The following SBF2 variants were observed in gnomAD, a reference collection of about 807,000 sequenced individuals.
SBF2 encodes myotubularin-related protein 13.
A neutral mutation model predicts 225.2 loss-of-function variants in SBF2; 112 were observed. That is an observed-to-expected ratio of 0.50 (90% CI 0.43 to 0.58). The LOEUF (loss-of-function observed/expected upper bound fraction) is 0.58, where lower values mean the gene tolerates loss of function less well. Ranked by LOEUF, SBF2 falls within the 20% of genes least tolerant of loss-of-function variation. The probability of loss-of-function intolerance (pLI) is 0.00; values close to 1 mark genes in which losing one functional copy is unlikely to be tolerated. For missense variants in SBF2, 1,996 were observed against 2,206.2 expected, an observed-to-expected ratio of 0.90 and a Z score of 1.91; for synonymous variants, 763 against 773.3, an observed-to-expected ratio of 0.99 and a Z score of 0.22.
chr11:9,875,141 G>C (rs934794117), intron 17 of SBF2, among the ~76,000 whole-genome samples: 6 of 152,154 alleles, frequency 3.9e-5, no homozygotes, highest in Admixed American at 2.6e-4. Flanking sequence ...AAATCATATA[G>C]ACTGGGTCAC....
At chr11:10,148,408 G>T (rs1194189158) in intron 2 of SBF2, among the ~76,000 whole-genome samples, 3 of 152,088 alleles carry the variant, frequency 2.0e-5, no homozygotes, top group Non-Finnish European at 4.4e-5. Flanking sequence ...CATACATGGG[G>T]GCTATCTGAG....
At chr11:10,236,708 C>G (rs144775295) in intron 1 of SBF2, among the ~76,000 whole-genome samples, 6 of 152,126 alleles carry the variant, frequency 3.9e-5, no homozygotes, top group Admixed American at 3.9e-4. Context: ...TTAATCCACC[C>G]GCCTCGGCCT....
At position 9,966,370 on chromosome 11, in the gene SBF2, G is replaced by A. The variant is rs187850573; in HGVS notation, c.1600+1971C>T. On this transcript the variant is annotated intron_variant, in intron 14 of 39. Coordinates refer to ENST00000256190, the MANE Select transcript of SBF2 (RefSeq NM_030962.4). ...TTCCCAAAGTGCTGGGATTATGGGCGTGAGCCACCACGCCCAGCCAGAAAA... is the reference window on the plus strand; with the variant it reads ...TTCCCAAAGTGCTGGGATTATGGGCATGAGCCACCACGCCCAGCCAGAAAA... Among the ~76,000 whole-genome samples, 11 of 152,254 alleles carry A rather than the reference G, an allele frequency of 7.2e-5. No homozygotes were observed. In the East Asian group the frequency reaches 1.2e-3, roughly 16 times the overall value.
In SBF2 at chr11:10,136,744, G is replaced by A. The variant is rs1284628243; in HGVS notation, c.141+57158C>T. Among the ~76,000 whole-genome samples, 3 of 152,238 alleles carry A rather than the reference G, an allele frequency of 2.0e-5. No homozygotes were observed. The East Asian group carries it at 5.8e-4, about 29-fold the overall frequency. On this transcript the variant is annotated intron_variant, in intron 2 of 39. Transcript: ENST00000256190. ...ATAGGACACTCTATTGGTATCCACA[G>A]AGAAGTGAAGAACTGCTTGGTGTGG...
At chr11:10,081,533 T>C (rs1351523861) in intron 2 of SBF2, among the ~76,000 whole-genome samples, 5 of 152,000 alleles carry the variant, frequency 3.3e-5, no homozygotes, top group African/African-American at 7.2e-5. Context: ...CTGAGACGGA[T>C]AGATCGTCTG....
chr11:10,215,289 A>G (rs1001788274), intron 1 of SBF2, among the ~76,000 whole-genome samples: 1 of 152,180 alleles, frequency 6.6e-6, no homozygotes, highest in African/African-American at 2.4e-5. Flanking sequence ...ACTATTAGGC[A>G]CTCTCATTCT....
At chr11:10,062,904 C>T (rs1463441612) in intron 2 of SBF2, among the ~76,000 whole-genome samples, 2 of 152,138 alleles carry the variant, frequency 1.3e-5, no homozygotes, top group Non-Finnish European at 2.9e-5. Flanking sequence ...TTCACTGCAG[C>T]ACTGTTCACA....
chr11:10,026,028 T>A (rs1949040062), intron 6 of SBF2, among the ~76,000 whole-genome samples: 1 of 149,012 alleles, frequency 6.7e-6, no homozygotes, highest in African/African-American at 2.4e-5. Flanking sequence ...TTATCTACAG[T>A]AGTTTTTTTT....
intron 1 of SBF2, among the ~76,000 whole-genome samples, chr11:10,229,464 T>A (rs1314886718): frequency 2.6e-5 from 4 of 152,240 alleles, no homozygotes; most frequent in African/African-American, 9.6e-5. Flanking sequence ...GCTATAACTT[T>A]CCCTCTACAC....
chr11:9,894,708 C>T (rs781021947), intron 17 of SBF2, among the ~76,000 whole-genome samples: 5 of 151,090 alleles, frequency 3.3e-5, no homozygotes, highest in Non-Finnish European at 7.4e-5. Flanking sequence ...AGGCCAGGCG[C>T]AGTAGCTCAT....
At chr11:10,098,130 T>C (rs1952109646) in intron 2 of SBF2, among the ~76,000 whole-genome samples, 1 of 152,052 alleles carries the variant, frequency 6.6e-6, no homozygotes, top group African/African-American at 2.4e-5. Flanking sequence ...CTCTCTCCTG[T>C]ACATGGCACC....
At chr11:10,039,588 C>T (rs16907424) in intron 3 of SBF2, among the ~76,000 whole-genome samples, 7,921 of 151,850 alleles carry the variant, frequency 0.052, 297 homozygotes, top group Middle Eastern at 0.16. Context: ...GATTTCTGGG[C>T]CCACTTAAAA....
chr11:9,851,172 A>C (rs1193702753), intron 21 of SBF2, among the ~76,000 whole-genome samples: 1 of 151,634 alleles, frequency 6.6e-6, no homozygotes, highest in East Asian at 1.9e-4. Flanking sequence ...AAAACCCAGA[A>C]TACATAGATT....
chr11:9,812,831 T>G lies in SBF2; in HGVS notation c.3979-123A>C. On this transcript the variant is annotated intron_variant, in intron 29 of 39. Coordinates refer to ENST00000256190, the MANE Select transcript of SBF2 (RefSeq NM_030962.4). ...GCCAAATAGCTGCAGAGGCTGCCAA[T>G]GGGTCAAGAAAGTCAATCTTGTACA... 3 of 940,126 alleles carry G rather than the reference T, an allele frequency of 3.2e-6. No individual in the cohort carries two copies. The South Asian group carries it at 4.2e-5, about 13-fold the overall frequency. 58.2% of individuals were successfully genotyped at this position (940,126 alleles called of 1,614,324 possible). A position where few individuals can be genotyped will look rare whatever the true frequency, so the allele number is the denominator to read the frequency against.
chr11:9,976,072 C>CTTTTTTTTTTTTTTTTTT (rs773334975), intron 13 of SBF2, among the ~76,000 whole-genome samples: 2 of 128,262 alleles, frequency 1.6e-5, no homozygotes, highest in Non-Finnish European at 3.3e-5. Flanking sequence ...TCTTCTTCTT[C>CTTTTTTTTTTTTTTTTTT]TTTTTTTTTT....
At chr11:9,904,224 A>T (rs972810959) in intron 16 of SBF2, among the ~76,000 whole-genome samples, 9 of 152,188 alleles carry the variant, frequency 5.9e-5, no homozygotes, top group African/African-American at 1.7e-4. Context: ...TATATATATA[A>T]AACTTAAGGA....
At chr11:10,050,765 G>A (rs1950032136) in intron 2 of SBF2, among the ~76,000 whole-genome samples, 1 of 152,142 alleles carries the variant, frequency 6.6e-6, no homozygotes, top group Non-Finnish European at 1.5e-5. Flanking sequence ...AGTGTATACA[G>A]TGTGGATAAG....
intron 2 of SBF2, among the ~76,000 whole-genome samples, chr11:10,061,195 A>T (rs1031943718): frequency 3.3e-5 from 5 of 152,196 alleles, no homozygotes; most frequent in Non-Finnish European, 7.4e-5. Context: ...TATTGAAGGA[A>T]CATACCTCAA....
intron 6 of SBF2, among the ~76,000 whole-genome samples, chr11:10,012,910 C>T (rs976057773): frequency 2.6e-5 from 4 of 151,960 alleles, no homozygotes; most frequent in Admixed American, 2.0e-4. Context: ...TAGGGGTTAT[C>T]CCTGTGTTTG....
Sources: gnomAD v4.1 joint callset for allele counts (sites outside exome capture counted in the v4.1 genomes callset) on GRCh38, gnomAD v4.1.1 for gene constraint, MANE v1.5 for transcripts, NCBI Gene and HGNC (gene_info 2026-07-23, HGNC 2026-07-21) for gene names.